CNTNAP3B: variants seen among roughly 807,000 people sequenced by gnomAD.
CNTNAP3B encodes contactin-associated protein-like 3B.
Under a neutral mutation model 108.9 loss-of-function variants are expected in CNTNAP3B, and 25 were observed. The ratio of observed to expected loss-of-function variants is 0.23; its 90% CI spans 0.17 to 0.32. The LOEUF is 0.32. Among genes scored for constraint, CNTNAP3B ranks in the 10% least tolerant of loss-of-function variants. The pLI is 1.00. For synonymous variants in CNTNAP3B, 103 were observed against 473.4 expected, an observed-to-expected ratio of 0.22 and a Z score of 10.16; for missense variants, 252 against 1,210.4, an observed-to-expected ratio of 0.21 and a Z score of 11.75.
chr9:41,964,862 G>A (rs1825220476), intron 10 of CNTNAP3B, among the ~76,000 whole-genome samples: 1 of 152,258 alleles, frequency 6.6e-6, no homozygotes, highest in Non-Finnish European at 1.5e-5. Context: ...TGTGACAGCT[G>A]AATTTTCAAC....
rs1346127706 is a variant in CNTNAP3B at position 42,116,180 on chromosome 9, A to G, written c.86-11441T>C. On this transcript the variant is annotated intron_variant, in intron 1 of 23. Transcript: ENST00000377561. ...AAAGAAGTTTAGAGAAAAAAGAGTAAAAAGAAATGAACAAAGCCTCCAAGA... is the reference window on the plus strand; with the variant it reads ...AAAGAAGTTTAGAGAAAAAAGAGTAGAAAGAAATGAACAAAGCCTCCAAGA... Among the ~76,000 whole-genome samples, 5 of 138,836 alleles carry G rather than the reference A, an allele frequency of 3.6e-5. 1 individual carries two copies. Among genetic ancestry groups the G allele is most frequent in the Non-Finnish European group, 7.7e-5 (5 of 64,896 alleles). 91.1% of individuals were successfully genotyped at this position (138,836 alleles called of 152,430 possible). A position where few individuals can be genotyped will look rare whatever the true frequency, so the allele number is the denominator to read the frequency against.
At chr9:41,959,841 T>C (rs866100057) in intron 12 of CNTNAP3B, among the ~76,000 whole-genome samples, 605 of 151,908 alleles carry the variant, frequency 4.0e-3, no homozygotes, top group African/African-American at 0.013. Context: ...TGAAACCTTT[T>C]GTCAGCACAA....
intron 1 of CNTNAP3B, among the ~76,000 whole-genome samples, chr9:42,124,072 T>C (rs1451802311): frequency 1.5e-5 from 2 of 137,796 alleles, no homozygotes; most frequent in Non-Finnish European, 3.1e-5. Context: ...GTAATTTAAT[T>C]CTTAGCAATA....
chr9:42,103,734 C>CAAA (rs1348271388), intron 2 of CNTNAP3B, among the ~76,000 whole-genome samples: 1 of 26,220 alleles, frequency 3.8e-5, no homozygotes, highest in African/African-American at 1.6e-4. Context: ...GACTCCGTCT[C>CAAA]AAAAAAAAAA....
intron 14 of CNTNAP3B, among the ~76,000 whole-genome samples, chr9:41,937,020 T>A (rs1369832383): frequency 2.0e-5 from 3 of 152,050 alleles, no homozygotes; most frequent in Non-Finnish European, 4.4e-5. Flanking sequence ...ACAACTCAAT[T>A]TTTAGGAATC....
chr9:41,919,070 T>C (rs1823594682), intron 18 of CNTNAP3B, among the ~76,000 whole-genome samples: 74 of 152,366 alleles, frequency 4.9e-4, no homozygotes, highest in Non-Finnish European at 8.8e-5. Context: ...TTCATAAAAG[T>C]ATTATAAATA....
At chr9:41,967,537 T>G (rs1203341694) in intron 10 of CNTNAP3B, among the ~76,000 whole-genome samples, 16 of 152,144 alleles carry the variant, frequency 1.1e-4, no homozygotes, top group Non-Finnish European at 1.9e-4. Flanking sequence ...AATTAGATTT[T>G]TGTTTGTTTG....
intron 3 of CNTNAP3B, among the ~76,000 whole-genome samples, chr9:42,024,846 A>G (rs1320936487): frequency 2.8e-5 from 4 of 144,530 alleles, no homozygotes; most frequent in Non-Finnish European, 6.0e-5. Flanking sequence ...AATCTCCTAG[A>G]GAAGCTAATA....
rs1213081367 is a variant in CNTNAP3B at position 41,933,840 on chromosome 9, T to A, written c.2238-4396A>T. 2.0e-5 allele frequency among the ~76,000 whole-genome samples: 3 copies of A among 152,364 alleles called. No homozygotes were observed. In the East Asian group the frequency reaches 5.8e-4, roughly 29 times the overall value. ...ATTCATTATTGATTACAGTTAAGAA[T>A]ATAGTTTCCATCATGACAATTCCGT... On this transcript the variant is annotated intron_variant, in intron 14 of 23. Transcript: ENST00000377561.
At chr9:42,031,113 T>C (rs1371788070) in intron 3 of CNTNAP3B, among the ~76,000 whole-genome samples, 2 of 82,694 alleles carry the variant, frequency 2.4e-5, no homozygotes, top group African/African-American at 1.0e-4. Context: ...ATCACCAAAA[T>C]ATCCTTTTCA....
At chr9:42,041,348 G>T (rs1157232401) in intron 3 of CNTNAP3B, among the ~76,000 whole-genome samples, 1 of 150,562 alleles carries the variant, frequency 6.6e-6, no homozygotes, top group South Asian at 2.1e-4. Context: ...TCTGACAAAG[G>T]GCTAATATCC....
chr9:41,952,015 G>T (rs1344738969), intron 13 of CNTNAP3B, among the ~76,000 whole-genome samples: 2 of 152,258 alleles, frequency 1.3e-5, no homozygotes, highest in African/African-American at 4.8e-5. Flanking sequence ...AGGGGAGCGG[G>T]TTGCAGTGAG....
At chr9:42,108,017 A>C (rs1828116664) in intron 1 of CNTNAP3B, among the ~76,000 whole-genome samples, 1 of 136,322 alleles carries the variant, frequency 7.3e-6, no homozygotes, top group Non-Finnish European at 1.6e-5. Flanking sequence ...AAATTTTATA[A>C]AATAAAAGAA....
chr9:41,977,838 A>G (rs1235204200), intron 9 of CNTNAP3B, among the ~76,000 whole-genome samples: 2 of 132,630 alleles, frequency 1.5e-5, no homozygotes, highest in African/African-American at 6.0e-5. Flanking sequence ...TCACCGTGTT[A>G]GCCAGGATGG....
At chr9:42,042,596 GTAT>G (rs1045210249) in intron 3 of CNTNAP3B, among the ~76,000 whole-genome samples, 1 of 122,910 alleles carries the variant, frequency 8.1e-6, no homozygotes, top group African/African-American at 3.4e-5. Flanking sequence ...CATTTGCATC[GTAT>G]TATTAGTAAT....
chr9:41,948,084 T>G (rs1477688392), intron 13 of CNTNAP3B, among the ~76,000 whole-genome samples: 1 of 151,740 alleles, frequency 6.6e-6, no homozygotes, highest in Admixed American at 6.6e-5. Context: ...TCTTTTTGTT[T>G]TGTTTTGGTT....
intron 4 of CNTNAP3B, among the ~76,000 whole-genome samples, chr9:42,012,672 A>T: frequency 8.0e-6 from 1 of 125,308 alleles, no homozygotes; most frequent in African/African-American, 3.3e-5. Context: ...GTATTTTTCA[A>T]TTTTATTCCA....
Position 42,088,393 on chromosome 9 carries a change from A to C in CNTNAP3B, c.197-11331T>G, listed in dbSNP as rs1332122999. On this transcript the variant is annotated intron_variant, in intron 2 of 23. Coordinates refer to ENST00000377561, the MANE Select transcript of CNTNAP3B (RefSeq NM_001201380.3). Reference sequence around the variant, plus strand: ...GACCAGCCAAATATTTCTTGTTCTCATGTCTAATCTATATTAACATCCTTA... The same window carrying C: ...GACCAGCCAAATATTTCTTGTTCTCCTGTCTAATCTATATTAACATCCTTA... 2.2e-5 allele frequency among the ~76,000 whole-genome samples: 3 copies of C among 138,448 alleles called. 1 individual carries two copies. The highest frequency in any genetic ancestry group is 8.6e-5 in the African/African-American group (3 of 34,808). The allele number at this position is 138,448 out of a possible 152,430, so 90.8% of individuals were successfully genotyped here. A position where few individuals can be genotyped will look rare whatever the true frequency, so the allele number is the denominator to read the frequency against.
intron 1 of CNTNAP3B, among the ~76,000 whole-genome samples, chr9:42,108,793 C>G (rs985238309): frequency 1.4e-5 from 2 of 140,576 alleles, no homozygotes; most frequent in Non-Finnish European, 3.1e-5. Flanking sequence ...TGGCATCACT[C>G]TTAGCTTCCC....
Sources: gnomAD v4.1 joint callset for allele counts (sites outside exome capture counted in the v4.1 genomes callset) on GRCh38, gnomAD v4.1.1 for gene constraint, MANE v1.5 for transcripts, NCBI Gene and HGNC (gene_info 2026-07-23, HGNC 2026-07-21) for gene names.